NFASC: variants seen among roughly 807,000 people sequenced by gnomAD.
NFASC encodes the protein neurofascin homolog.
NFASC carries 43 observed loss-of-function variants against 147.5 expected under a neutral mutation model. The observed-to-expected ratio is 0.29, with a 90% CI of 0.23 to 0.38. The LOEUF (loss-of-function observed/expected upper bound fraction) is 0.38, where lower values mean the gene tolerates loss of function less well. Among genes scored for constraint, NFASC ranks in the 10% least tolerant of loss-of-function variants. NFASC has a pLI of 1.00. For synonymous variants in NFASC, 622 were observed against 665.5 expected, an observed-to-expected ratio of 0.93 and a Z score of 1.01; for missense variants, 1,320 against 1,689.0, an observed-to-expected ratio of 0.78 and a Z score of 3.83.
At chr1:204,845,530 T>A (rs1571969450) in intron 1 of NFASC, among the ~76,000 whole-genome samples, 1 of 150,388 alleles carries the variant, frequency 6.6e-6, no homozygotes, top group Admixed American at 6.6e-5. Flanking sequence ...GCTCCTGGAG[T>A]GTAGGAAAGG....
intron 2 of NFASC, among the ~76,000 whole-genome samples, chr1:204,941,200 C>T (rs1158628189): frequency 6.6e-6 from 1 of 152,122 alleles, no homozygotes; most frequent in Non-Finnish European, 1.5e-5. Context: ...TTTGTTTCTT[C>T]ATCTGAAAAG....
chr1:204,926,398 A>AT (rs2091534597), intron 2 of NFASC, among the ~76,000 whole-genome samples: 1 of 94,620 alleles, frequency 1.1e-5, no homozygotes, highest in African/African-American at 5.4e-5. Flanking sequence ...ATATATATAT[A>AT]TATATATATT....
chr1:204,932,217 TAAGAAAAA>T (rs1302840534), intron 2 of NFASC, among the ~76,000 whole-genome samples: 3 of 152,312 alleles, frequency 2.0e-5, no homozygotes, highest in African/African-American at 7.2e-5. Flanking sequence ...AGGAATGCAC[TAAGAAAAA>T]GTAAAAACAG....
chr1:204,984,270 A>G (rs1434782269), intron 21 of NFASC: 2 of 648,084 alleles, frequency 3.1e-6, no homozygotes, highest in East Asian at 2.8e-5. Flanking sequence ...GGTTGACTCA[A>G]GAAGATAATG....
rs1558348069 is a variant in NFASC at position 204,979,990 on chromosome 1, T to C, written c.2177-380T>C. 6.6e-6 allele frequency among the ~76,000 whole-genome samples: 1 copy of C among 152,186 alleles called. No individual in the cohort carries two copies. The highest frequency in any genetic ancestry group is 1.5e-5 in the Non-Finnish European group (1 of 68,028). On this transcript the variant is annotated intron_variant, in intron 19 of 29. Coordinates refer to ENST00000339876, the MANE Select transcript of NFASC (RefSeq NM_001005388.3). This position sits in a 1 kb window ranked among gnomAD's most constrained non-coding sequence, Gnocchi z 6.0. The stretch of plus-strand genomic sequence containing the variant: ...CACACCAGCTCATAGAGGGTAGAGA[T>C]GCTGCCCAAAAAAAATGTTAAATGC...
At chr1:204,906,153 T>G (rs909783830) in intron 1 of NFASC, among the ~76,000 whole-genome samples, 5 of 152,202 alleles carry the variant, frequency 3.3e-5, no homozygotes, top group African/African-American at 1.2e-4. Context: ...CTTCATTGTT[T>G]TCTAGGTTTT....
intron 1 of NFASC, among the ~76,000 whole-genome samples, chr1:204,872,245 T>C (rs2077852604): frequency 6.6e-6 from 1 of 152,136 alleles, no homozygotes; most frequent in Admixed American, 6.5e-5. Context: ...AAGCAAACGG[T>C]ACAGTTTTCC....
At chr1:204,871,367 G>C (rs754563764) in intron 1 of NFASC, among the ~76,000 whole-genome samples, 8 of 152,180 alleles carry the variant, frequency 5.3e-5, no homozygotes, top group Non-Finnish European at 1.2e-4. Context: ...CAAGGACAAG[G>C]CTCCAAAGCC....
At chr1:204,871,970 G>A (rs911631779) in intron 1 of NFASC, among the ~76,000 whole-genome samples, 4 of 152,246 alleles carry the variant, frequency 2.6e-5, no homozygotes, top group African/African-American at 7.2e-5. Flanking sequence ...GGGACAGTCT[G>A]TCTTGTCCTT....
chr1:204,889,944 G>C (rs2082059040), intron 1 of NFASC, among the ~76,000 whole-genome samples: 1 of 152,208 alleles, frequency 6.6e-6, no homozygotes, highest in African/African-American at 2.4e-5. Context: ...CCCTCCGGCA[G>C]CCGACTTCTC....
chr1:204,875,256 C>T (rs2078543691), intron 1 of NFASC, among the ~76,000 whole-genome samples: 1 of 152,134 alleles, frequency 6.6e-6, no homozygotes, highest in Non-Finnish European at 1.5e-5. Context: ...TTCCTCACTC[C>T]CCATCCCTTG....
chr1:205,003,933 T>A (rs986163656), intron 27 of NFASC, among the ~76,000 whole-genome samples: 1 of 152,082 alleles, frequency 6.6e-6, no homozygotes, highest in African/African-American at 2.4e-5. Flanking sequence ...GCTCAGAGGG[T>A]CTGAGAGTCG....
In NFASC at chr1:204,905,507, G is replaced by A. The variant is rs180695275; in HGVS notation, c.-199-15125G>A. Among the ~76,000 whole-genome samples the A allele has an allele frequency of 7.6e-4, 116 of 152,064 alleles. 1 individual carries two copies. Among genetic ancestry groups the A allele is most frequent in the Admixed American group, 5.6e-3 (86 of 15,276 alleles). ...GTTAGCCATTTGTGTATCTTCTTGG[G>A]AGAAGTATCTATTCAAGTCCTTCGC... On this transcript the variant is annotated intron_variant, in intron 1 of 29. Transcript: ENST00000339876.
At chr1:204,977,921 A>G (rs2095439487) in intron 17 of NFASC, among the ~76,000 whole-genome samples, 196 bp downstream of exon 17, 2 of 152,120 alleles carry the variant, frequency 1.3e-5, no homozygotes, top group Admixed American at 1.3e-4. Flanking sequence ...CCTGCTCCTT[A>G]CAGGGTGAGC....
chr1:204,924,866 T>C (rs796450331), intron 2 of NFASC, among the ~76,000 whole-genome samples: 10 of 152,252 alleles, frequency 6.6e-5, no homozygotes, highest in African/African-American at 2.4e-4. Context: ...CAATCGTTTA[T>C]TTTGTTTGCT....
Position 204,979,079 on chromosome 1 carries a change from G to A in NFASC, c.1978+10G>A. 6.5e-7 allele frequency: 1 copy of A among 1,548,362 alleles called. No homozygotes were observed. The highest frequency in any genetic ancestry group is 1.4e-5 in the African/African-American group (1 of 73,180). On this transcript the variant is annotated intron_variant, in intron 18 of 29. Coordinates refer to ENST00000339876, the MANE Select transcript of NFASC (RefSeq NM_001005388.3). This position sits in a 1 kb window ranked among gnomAD's most constrained non-coding sequence, Gnocchi z 6.0. ...AACAGCCCCATCACAGGTAGCTCAG[G>A]GCCTTGCACCCCAAAGCTGGAAAAG...
At chr1:204,992,406 C>G (rs973050792) in intron 24 of NFASC, among the ~76,000 whole-genome samples, 1 of 152,170 alleles carries the variant, frequency 6.6e-6, no homozygotes, top group Non-Finnish European at 1.5e-5. Context: ...TAGGTTGATT[C>G]TATTTCTGTT....
In NFASC at chr1:204,837,477, A is replaced by C. The variant is rs74827552; in HGVS notation, c.-200+8695A>C. Among the ~76,000 whole-genome samples the C allele has an allele frequency of 3.2e-3, 484 of 152,220 alleles. 18 individuals are homozygous for C. In the East Asian group the frequency reaches 0.086, roughly 27 times the overall value. ...TTGCTGAGGAGTGAATTTTTTTGGC[A>C]TTGGTGAGGAGTATTTGAAGCTTCA... On this transcript the variant is annotated intron_variant, in intron 1 of 29. Coordinates refer to ENST00000339876, the MANE Select transcript of NFASC (RefSeq NM_001005388.3).
Position 204,987,448 on chromosome 1 carries a change from G to A in NFASC, c.2501G>A (p.Arg834Gln), listed in dbSNP as rs375472837. The change falls in exon 22 of 30, where the codon CGG (arginine) becomes CAG (glutamine). Residue 834 changes from arginine (R) to glutamine (Q), a missense_variant. Physicochemically the swap from Arg to Gln is conservative, Grantham distance 43. Transcript: ENST00000339876. The surrounding 1 kb of genome is among the most constrained non-coding windows in gnomAD (Gnocchi z 4.4). ...LPSAPRRFRV[R>Q]QPNLETINLE... ...AGTGCCCCTAGGCGTTTCCGAGTCCGGCAGCCCAACCTGGAGACAATCAAC... is the reference window on the plus strand; with the variant it reads ...AGTGCCCCTAGGCGTTTCCGAGTCCAGCAGCCCAACCTGGAGACAATCAAC... 2.6e-5 allele frequency: 42 copies of A among 1,613,642 alleles called. No homozygotes were observed. The highest frequency in any genetic ancestry group is 8.8e-5 in the South Asian group (8 of 91,054).
Sources: gnomAD v4.1 joint callset for allele counts (sites outside exome capture counted in the v4.1 genomes callset) on GRCh38, gnomAD v4.1.1 for gene constraint, Gnocchi (gnomAD v3.1) non-coding constraint, MANE v1.5 for transcripts, NCBI Gene and HGNC (gene_info 2026-07-23, HGNC 2026-07-21) for gene names.